The following ZNF219 variants were observed in gnomAD, a reference collection of about 807,000 sequenced individuals.
ZNF219 encodes zinc finger protein 219.
Under a neutral mutation model 54.4 loss-of-function variants are expected in ZNF219, and 17 were observed. The ratio of observed to expected loss-of-function variants is 0.31; its 90% CI spans 0.21 to 0.47. The LOEUF (loss-of-function observed/expected upper bound fraction) is 0.47. Ranked by LOEUF, ZNF219 falls within the 20% of genes least tolerant of loss-of-function variation. ZNF219 has a pLI of 1.00. For synonymous variants in ZNF219, 518 were observed against 476.4 expected (o/e 1.09, Z -1.14); for missense variants, 1,014 against 1,062.3 (o/e 0.95, Z 0.63).
At position 21,090,975 on chromosome 14, in the gene ZNF219, C is replaced by A. The variant is rs930329790; in HGVS notation, c.1730G>T (p.Gly577Val). 2 of 1,550,884 alleles carry A rather than the reference C, an allele frequency of 1.3e-6. No homozygotes were observed. The highest frequency in any genetic ancestry group is 1.7e-6 in the Non-Finnish European group (2 of 1,154,864). ...PSQRGSAPQS[G>V]AKPSPQPATW... Reference sequence around the variant, plus strand: ...CGCAGGCTGCGGAGACGGCTTGGCTCCAGATTGCGGGGCCGAACCCCGCTG... The same window carrying A: ...CGCAGGCTGCGGAGACGGCTTGGCTACAGATTGCGGGGCCGAACCCCGCTG... The change falls in exon 5 of 5, where the codon GGA (glycine) becomes GTA (valine). Residue 577 changes from glycine (G) to valine (V), a missense_variant. Physicochemically the swap from Gly to Val is moderately radical, Grantham distance 109. This residue lies in a region of ZNF219 where 281 missense variants were observed against 271.2 expected (regional missense o/e 1.04). Coordinates refer to ENST00000360947, the MANE Select transcript of ZNF219 (RefSeq NM_016423.3). The surrounding 1 kb of genome is among the most constrained non-coding windows in gnomAD (Gnocchi z 4.4).
upstream of ZNF219, chr14:21,103,753 CGA>C (rs1889800062): frequency 6.5e-6 from 1 of 154,712 alleles, no homozygotes; most frequent in African/African-American, 2.4e-5. Context: ...CTGAGTGACG[CGA>C]GGCGGGGAAG....
chr14:21,098,428 G>C lies in ZNF219; in HGVS notation c.-200C>G. On this transcript the variant is annotated 5_prime_UTR_variant, in exon 1 of 5. Transcript: ENST00000360947. ...GCCGGGGGAGATGCGCCGGGCCCCG[G>C]CCCCCCCGCCCCCGGCCCGGCCCCC... 1.7e-6 allele frequency: 1 copy of C among 584,004 alleles called. No homozygotes were observed. Among genetic ancestry groups the C allele is most frequent in the African/African-American group, 2.1e-5 (1 of 47,738 alleles). 36.2% of individuals were successfully genotyped at this position (584,004 alleles called of 1,614,324 possible).
In ZNF219 at chr14:21,092,813, C is replaced by A. The variant is rs780415873; in HGVS notation, c.484G>T (p.Ala162Ser). ...CCTTTGCAGTAGGGGCAACGGAAGG[C>A]GGACGATGAAGGAGCCTGGGGCCGC... ...LARPQAPSSSAFRCPYCKGKF... is the reference protein window; with the variant it reads ...LARPQAPSSSSFRCPYCKGKF... Residue 162 changes from alanine to serine, a missense_variant, in exon 3 of 5, where the codon GCC becomes TCC. Transcript: ENST00000360947. 1 of 1,576,846 alleles carries A rather than the reference C, an allele frequency of 6.3e-7. No individual in the cohort carries two copies. The highest frequency in any genetic ancestry group is 2.2e-5 in the East Asian group (1 of 44,560).
chr14:21,097,859 C>T (rs1040695222), intron 1 of ZNF219, among the ~76,000 whole-genome samples: 4 of 148,836 alleles, frequency 2.7e-5, no homozygotes, highest in Admixed American at 1.3e-4. Context: ...AGAGTTTGGG[C>T]TCCTTCCCCC....
At chr14:21,097,678 T>C (rs1889351880) in intron 1 of ZNF219, among the ~76,000 whole-genome samples, 1 of 152,094 alleles carries the variant, frequency 6.6e-6, no homozygotes, top group East Asian at 1.9e-4. Context: ...GGGGGCAGGG[T>C]TGGGAGATAG....
At chr14:21,100,532 G>GAGATAGATAGATAGAT (rs3062000), upstream of ZNF219, among the ~76,000 whole-genome samples, 3 of 150,226 alleles carry the variant, frequency 2.0e-5, no homozygotes, top group Admixed American at 6.6e-5. Flanking sequence ...TGAGGACCAT[G>GAGATAGATAGATAGAT]AGATAGATAG....
At chr14:21,101,373 G>A, upstream of ZNF219, 1 of 1,551,712 alleles carries the variant, frequency 6.4e-7, no homozygotes, top group Non-Finnish European at 8.7e-7. Context: ...AGCAAGAGCA[G>A]GAGAGACACA....
rs759818002 is a variant in ZNF219 at position 21,092,959 on chromosome 14, C to T, written c.338G>A (p.Arg113His). The T allele has an allele frequency of 1.3e-6, 2 of 1,586,310 alleles. No homozygotes were observed. Among genetic ancestry groups the T allele is most frequent in the Non-Finnish European group, 1.7e-6 (2 of 1,168,664 alleles). The change falls in exon 3 of 5, where the codon CGT (arginine) becomes CAT (histidine). Residue 113 changes from arginine to histidine, a missense_variant. Arg to His is a conservative substitution (Grantham distance 29). Coordinates refer to ENST00000360947, the MANE Select transcript of ZNF219 (RefSeq NM_016423.3). ...CAGCAACAGGCGTGCAGCAGGACTA[C>T]GTGGGCGCTCGGGCTGGTGTGTGCG... ...HLRTHQPERP[R>H]SPAARLLLEL...
At chr14:21,094,561 G>A in intron 1 of ZNF219, 1 of 369,090 alleles carries the variant, frequency 2.7e-6, no homozygotes, top group East Asian at 7.4e-5. Context: ...AGGCTGGAGT[G>A]AGGGACGGGG....
Position 21,091,394 on chromosome 14 carries a change from G to A in ZNF219, c.1564+17C>T, listed in dbSNP as rs769366114. ...CGCCCCCAGTCCCCTCTCCACGCCG[G>A]AGGCTGCCTCCCTCACCTGTGTGCA... is the stretch of plus-strand genomic sequence containing the variant. On this transcript the variant is annotated intron_variant, in intron 4 of 4. Transcript: ENST00000360947. 4 of 1,586,086 alleles carry A rather than the reference G, an allele frequency of 2.5e-6. No individual in the cohort carries two copies. The highest frequency in any genetic ancestry group is 3.5e-6 in the Non-Finnish European group (4 of 1,157,710).
At chr14:21,094,806 C>A (rs1227805227) in intron 1 of ZNF219, among the ~76,000 whole-genome samples, 2 of 136,784 alleles carry the variant, frequency 1.5e-5, no homozygotes, top group South Asian at 4.6e-4. Flanking sequence ...AATCAAGATT[C>A]ATGGAAACAG....
intron 1 of ZNF219, chr14:21,094,685 C>G (rs1456437630): frequency 7.3e-6 from 1 of 136,070 alleles, no homozygotes; most frequent in African/African-American, 3.2e-5. Context: ...AGCTCCAGTG[C>G]TGGGGAAGGA....
At chr14:21,099,000 C>T (rs1433047906), upstream of ZNF219, 1 of 410,606 alleles carries the variant, frequency 2.4e-6, no homozygotes, top group Non-Finnish European at 3.9e-6. Flanking sequence ...CTCTTCGGTC[C>T]TTTCCGTTCT....
rs2139303792 is a variant in ZNF219, at chr14:21,092,606, GAGGCT to G, written c.686_690del (p.Gln229ProfsTer25). On this transcript the variant is annotated frameshift_variant, in exon 3 of 5. Transcript: ENST00000360947. LOFTEE classifies it high-confidence loss of function. ...TCGGGCTGGGGTGGAGGCTGAGGCT[GAGGCT>G]GAGGCGGAGGCGCAGCGGAGGTGGC... 2 of 1,550,354 alleles carry G rather than the reference GAGGCT, an allele frequency of 1.3e-6. No individual in the cohort carries two copies. The highest frequency in any genetic ancestry group is 1.7e-6 in the Non-Finnish European group (2 of 1,149,240).
At position 21,090,135 on chromosome 14, in the gene ZNF219, A is replaced by T. The variant is rs1888701311; in HGVS notation, c.*401T>A. On this transcript the variant is annotated 3_prime_UTR_variant, in exon 5 of 5. Transcript: ENST00000360947. The surrounding 1 kb of genome is among the most constrained non-coding windows in gnomAD (Gnocchi z 4.4). ...CGACTCTGCAATAGGGATGACAGGA[A>T]TCGTACCAAAAATAGCGACGTCTAC... The T allele has an allele frequency of 2.2e-6, 1 of 454,756 alleles. No homozygotes were observed. Among genetic ancestry groups the T allele is most frequent in the African/African-American group, 2.0e-5 (1 of 49,982 alleles). The allele number at this position is 454,756 out of a possible 1,614,324, so 28.2% of individuals were successfully genotyped here.
Position 21,098,637 on chromosome 14 carries a change from G to A in ZNF219, c.-409C>T. 9.8e-7 allele frequency: 1 copy of A among 1,017,750 alleles called. No homozygotes were observed. The highest frequency in any genetic ancestry group is 1.2e-6 in the Non-Finnish European group (1 of 846,856). 63.0% of individuals were successfully genotyped at this position (1,017,750 alleles called of 1,614,324 possible). A position where few individuals can be genotyped will look rare whatever the true frequency, so the allele number is the denominator to read the frequency against. ...GCGAGAGGCGGCCGCCAGGGGCGGG[G>A]TGCGGGCGGTTTGGAGACGGGGGGC... is the stretch of plus-strand genomic sequence containing the variant. On this transcript the variant is annotated 5_prime_UTR_variant, in exon 1 of 5. Transcript: ENST00000360947.
upstream of ZNF219, chr14:21,101,991 A>G: frequency 6.4e-7 from 1 of 1,550,994 alleles, no homozygotes; most frequent in East Asian, 2.4e-5. Context: ...ACCCACCACA[A>G]GGGAGGGTGG....
chr14:21,103,494 C>A, upstream of ZNF219: 2 of 572,732 alleles, frequency 3.5e-6, no homozygotes, highest in Non-Finnish European at 2.9e-6. Context: ...TGTCACCTCC[C>A]CATACAGCTT....
intron 1 of ZNF219, chr14:21,094,560 T>G (rs1388428349): frequency 2.0e-3 from 494 of 246,130 alleles, no homozygotes; most frequent in South Asian, 3.5e-3. Flanking sequence ...GAGGCTGGAG[T>G]GAGGGACGGG....
Sources: allele counts gnomAD v4.1 joint callset (sites outside exome capture counted in the v4.1 genomes callset), GRCh38; gene constraint gnomAD v4.1.1; regional missense constraint gnomAD v4.1.1; non-coding constraint Gnocchi (gnomAD v3.1); transcripts MANE v1.5; gene names NCBI Gene and HGNC (gene_info 2026-07-23, HGNC 2026-07-21).